SLX4IP: variants seen among roughly 807,000 people sequenced by gnomAD.
SLX4IP encodes the protein protein SLX4IP.
SLX4IP carries 34 observed loss-of-function variants against 32.9 expected under a neutral mutation model. The observed-to-expected ratio is 1.03, with a 90% CI of 0.79 to 1.38. SLX4IP has a LOEUF of 1.38. Among genes scored for constraint, SLX4IP ranks in the 40% most tolerant of loss-of-function variants. The pLI, the probability that SLX4IP is intolerant of heterozygous loss-of-function variation, is 0.00. For synonymous variants in SLX4IP, 172 were observed against 171.7 expected (o/e 1.00, Z -0.01); for missense variants, 444 against 479.0 (o/e 0.93, Z 0.68).
intron 4 of SLX4IP, among the ~76,000 whole-genome samples, chr20:10,598,250 A>G (rs1189689422): frequency 1.3e-5 from 2 of 152,000 alleles, no homozygotes; most frequent in Non-Finnish European, 2.9e-5. Context: ...CCCTCTGTTA[A>G]TTCCTTTATT....
At chr20:10,582,111 G>T (rs1347817646) in intron 4 of SLX4IP, among the ~76,000 whole-genome samples, 1 of 152,136 alleles carries the variant, frequency 6.6e-6, no homozygotes, top group Non-Finnish European at 1.5e-5. Flanking sequence ...TGCAACAAAA[G>T]GAAAAATATC....
intron 4 of SLX4IP, among the ~76,000 whole-genome samples, chr20:10,587,136 C>T (rs2066655104): frequency 6.6e-6 from 1 of 151,954 alleles, no homozygotes; most frequent in Non-Finnish European, 1.5e-5. Flanking sequence ...AAGCAGAAAT[C>T]CTAAACTAAA....
intron 2 of SLX4IP, among the ~76,000 whole-genome samples, chr20:10,534,693 A>G (rs1484381708): frequency 6.6e-6 from 1 of 152,100 alleles, no homozygotes; most frequent in Non-Finnish European, 1.5e-5. Context: ...AAACGAGTGC[A>G]TGAACAGAGG....
In SLX4IP at chr20:10,533,506, C is replaced by T. The variant is rs1396532859; in HGVS notation, c.28-22725C>T. Among the ~76,000 whole-genome samples the T allele has an allele frequency of 6.0e-5, 9 of 151,052 alleles. No individual in the cohort carries two copies. In the East Asian group the frequency reaches 1.2e-3, roughly 20 times the overall value. On this transcript the variant is annotated intron_variant, in intron 2 of 7. Transcript: ENST00000334534. ...ATAATTTTTGAATTTTTAGTAGAGG[C>T]GGGGTTTTACCATGTTGGTGAGGCT...
intron 6 of SLX4IP, among the ~76,000 whole-genome samples, chr20:10,605,583 A>G (rs563666931): frequency 1.3e-5 from 2 of 152,326 alleles, no homozygotes; most frequent in East Asian, 3.9e-4. Flanking sequence ...CGAAGCTCTC[A>G]AAGTCTGTGA....
chr20:10,598,586 A>T, intron 4 of SLX4IP, 89 bp from the exon 5 acceptor site: 5 of 1,168,808 alleles, frequency 4.3e-6, no homozygotes, highest in Non-Finnish European at 6.4e-6. Context: ...TAACTATTGA[A>T]TGTGTCTTTT....
chr20:10,623,441 C>T lies in SLX4IP; in HGVS notation c.*62C>T. 2 of 1,530,230 alleles carry T rather than the reference C, an allele frequency of 1.3e-6. No individual in the cohort carries two copies. Among genetic ancestry groups the T allele is most frequent in the Non-Finnish European group, 8.7e-7 (1 of 1,143,282 alleles). 94.8% of individuals were successfully genotyped at this position (1,530,230 alleles called of 1,614,324 possible). A position where few individuals can be genotyped will look rare whatever the true frequency, so the allele number is the denominator to read the frequency against. On this transcript the variant is annotated 3_prime_UTR_variant, in exon 8 of 8. Coordinates refer to ENST00000334534, the MANE Select transcript of SLX4IP (RefSeq NM_001009608.3). ...AGTGGCCAAACCTGTGACAAGAGAGCTGCGAATATAGATGCCGGGATTTTA... is the reference window on the plus strand; with the variant it reads ...AGTGGCCAAACCTGTGACAAGAGAGTTGCGAATATAGATGCCGGGATTTTA...
intron 2 of SLX4IP, among the ~76,000 whole-genome samples, chr20:10,501,262 A>T (rs919456981): frequency 2.6e-5 from 4 of 152,188 alleles, no homozygotes; most frequent in Non-Finnish European, 5.9e-5. Flanking sequence ...ATGTATGTAT[A>T]ATCAGTGCAG....
At chr20:10,596,430 T>C (rs1346241734) in intron 4 of SLX4IP, among the ~76,000 whole-genome samples, 1 of 152,030 alleles carries the variant, frequency 6.6e-6, no homozygotes, top group Admixed American at 6.6e-5. Flanking sequence ...GGTCTCAGTA[T>C]GTTTCCCAGG....
chr20:10,469,382 A>G (rs2065405559), intron 2 of SLX4IP, among the ~76,000 whole-genome samples: 1 of 152,094 alleles, frequency 6.6e-6, no homozygotes. Context: ...CTTTGAAAAT[A>G]TTTTTAATAA....
intron 2 of SLX4IP, among the ~76,000 whole-genome samples, chr20:10,553,739 T>C (rs1322676919): frequency 6.6e-6 from 1 of 152,236 alleles, no homozygotes; most frequent in Non-Finnish European, 1.5e-5. Context: ...ATATGACACA[T>C]TGATATTTTG....
chr20:10,542,329 C>T (rs1464402525), intron 2 of SLX4IP, among the ~76,000 whole-genome samples: 1 of 152,200 alleles, frequency 6.6e-6, no homozygotes, highest in Non-Finnish European at 1.5e-5. Flanking sequence ...CAGTACCTGT[C>T]TCCTTATGGT....
intron 1 of SLX4IP, among the ~76,000 whole-genome samples, chr20:10,450,695 T>TA (rs1242414360): frequency 2.0e-5 from 3 of 152,258 alleles, no homozygotes; most frequent in Admixed American, 6.5e-5. Context: ...TACCAATTTC[T>TA]AAAAAATCAC....
intron 2 of SLX4IP, among the ~76,000 whole-genome samples, chr20:10,489,462 A>AT (rs911797788): frequency 1.4e-4 from 21 of 151,912 alleles, no homozygotes; most frequent in Admixed American, 2.0e-4. Context: ...ATAGTGGATA[A>AT]TTTTTTTTAA....
At chr20:10,558,856 T>C (rs1230648868) in intron 3 of SLX4IP, among the ~76,000 whole-genome samples, 1 of 152,208 alleles carries the variant, frequency 6.6e-6, no homozygotes, top group Non-Finnish European at 1.5e-5. Flanking sequence ...TGACGTGTGG[T>C]GTGGTCGGTT....
chr20:10,571,002 T>A (rs78371832), intron 4 of SLX4IP, among the ~76,000 whole-genome samples: 11,395 of 152,040 alleles, frequency 0.075, 485 homozygotes, highest in African/African-American at 0.13. Context: ...GCTATTTTTT[T>A]AAAAAAATTT....
At chr20:10,457,121 TTAGGGTTTTCTA>T (rs1417064589) in intron 1 of SLX4IP, among the ~76,000 whole-genome samples, 1 of 152,156 alleles carries the variant, frequency 6.6e-6, no homozygotes, top group Admixed American at 6.5e-5. Flanking sequence ...TGATGATTTG[TTAGGGTTTTCTA>T]TATATGAGAA....
Position 10,545,091 on chromosome 20 carries a change from G to A in SLX4IP, c.28-11140G>A, listed in dbSNP as rs1252837988. On this transcript the variant is annotated intron_variant, in intron 2 of 7. Coordinates refer to ENST00000334534, the MANE Select transcript of SLX4IP (RefSeq NM_001009608.3). ...TCAAATCAGCTTCAGGAGATGCTGT[G>A]GCTGCTGGTACTCTGGGAACCGGCT... Among the ~76,000 whole-genome samples, 7 of 152,190 alleles carry A rather than the reference G, an allele frequency of 4.6e-5. No homozygotes were observed. The East Asian group carries it at 1.4e-3, about 29-fold the overall frequency.
chr20:10,566,597 G>T (rs371093305), intron 4 of SLX4IP, among the ~76,000 whole-genome samples: 2 of 152,096 alleles, frequency 1.3e-5, no homozygotes, highest in African/African-American at 4.8e-5. Flanking sequence ...TCTGCTGGTC[G>T]GAGCCTATAT....
Sources: gnomAD v4.1 joint callset for allele counts (sites outside exome capture counted in the v4.1 genomes callset) on GRCh38, gnomAD v4.1.1 for gene constraint, MANE v1.5 for transcripts, NCBI Gene and HGNC (gene_info 2026-07-23, HGNC 2026-07-21) for gene names.